SHANK2: variants seen among roughly 807,000 people sequenced by gnomAD.
The protein encoded by SHANK2 is SH3 and multiple ankyrin repeat domains 2, also known as SH3 and multiple ankyrin repeat domains protein 2.
A neutral mutation model predicts 133.7 loss-of-function variants in SHANK2; 43 were observed. That is an observed-to-expected ratio of 0.32 (90% CI 0.25 to 0.41). SHANK2 has a LOEUF of 0.41. Ranked by LOEUF, SHANK2 falls within the 10% of genes least tolerant of loss-of-function variation. The pLI is 1.00. For synonymous variants in SHANK2, 1,017 were observed against 952.8 expected (o/e 1.07, Z -1.24); for missense variants, 1,994 against 2,235.8 (o/e 0.89, Z 2.18).
At position 70,487,495 on chromosome 11, in the gene SHANK2, G is replaced by T. The variant is rs1555154506; in HGVS notation, c.2798C>A (p.Ser933Tyr). ...CACGGTGTCGGACCTGGTGGCGGGG[G>T]ACACCTTGGCGGCAGAATTCTGATT... ...AFNQNSAAKV[S>Y]PATRSDTVAT... Residue 933 changes from serine (S) to tyrosine (Y), a missense_variant, in exon 25 of 26, where the codon TCC becomes TAC. Physicochemically the swap from Ser to Tyr is moderately radical, Grantham distance 144. This residue lies in a region of SHANK2 where 488 missense variants were observed against 642.6 expected (regional missense o/e 0.76). Transcript: ENST00000601538. This position sits in a 1 kb window ranked among gnomAD's most constrained non-coding sequence, Gnocchi z 5.8. The T allele has an allele frequency of 6.2e-7, 1 of 1,613,974 alleles. No individual in the cohort carries two copies. Among genetic ancestry groups the T allele is most frequent in the Non-Finnish European group, 8.5e-7 (1 of 1,180,020 alleles).
At chr11:70,592,180 C>T (rs945118413) in intron 17 of SHANK2, among the ~76,000 whole-genome samples, 6 of 152,194 alleles carry the variant, frequency 3.9e-5, no homozygotes, top group Admixed American at 3.9e-4. Context: ...TTGATGTGTG[C>T]TGACCGCCGG....
chr11:71,151,920 G>A (rs1158225211), intron 2 of SHANK2, among the ~76,000 whole-genome samples: 8 of 151,790 alleles, frequency 5.3e-5, no homozygotes, highest in African/African-American at 9.7e-5. Flanking sequence ...ACGCCCACAA[G>A]AGCAGTCAGG....
intron 17 of SHANK2, among the ~76,000 whole-genome samples, chr11:70,549,780 C>T (rs895398891): frequency 2.0e-5 from 3 of 152,238 alleles, no homozygotes; most frequent in Non-Finnish European, 2.9e-5. Context: ...CAGTTAACAC[C>T]GACACAGGTG....
chr11:70,514,610 G>C (rs1167994716), intron 17 of SHANK2, among the ~76,000 whole-genome samples: 2 of 152,188 alleles, frequency 1.3e-5, no homozygotes, highest in African/African-American at 4.8e-5. Context: ...GCATCTATAT[G>C]GTTGCTGGGT....
intron 14 of SHANK2, among the ~76,000 whole-genome samples, chr11:70,764,367 C>T (rs1947069912): frequency 6.6e-6 from 1 of 150,550 alleles, no homozygotes; most frequent in African/African-American, 2.4e-5. Flanking sequence ...ACCCATCCAT[C>T]CACATACCTA....
In SHANK2 at chr11:71,103,014, A is replaced by G. The variant is rs571718816; in HGVS notation, c.592+6927T>C. Among the ~76,000 whole-genome samples the G allele has an allele frequency of 3.6e-4, 55 of 152,362 alleles. 1 individual carries two copies. In the South Asian group the frequency reaches 3.7e-3, roughly 10 times the overall value. On this transcript the variant is annotated intron_variant, in intron 6 of 25. Transcript: ENST00000601538. ...CTGTGACCTCACCTCACAAAGTGGA[A>G]GGAGCGAGGGAGCTCTCTCTGCCTC... is the stretch of plus-strand genomic sequence containing the variant.
intron 25 of SHANK2, among the ~76,000 whole-genome samples, chr11:70,476,461 G>T (rs1025410761): frequency 6.6e-6 from 1 of 152,180 alleles, no homozygotes; most frequent in Non-Finnish European, 1.5e-5. Context: ...AAAACTGGGG[G>T]TGCTGTGGCC....
At chr11:70,661,371 G>A (rs1369136849) in intron 16 of SHANK2, among the ~76,000 whole-genome samples, 1 of 152,134 alleles carries the variant, frequency 6.6e-6, no homozygotes, top group Non-Finnish European at 1.5e-5. Flanking sequence ...ATTCCTCAAG[G>A]AAGCCCTAAC....
intron 15 of SHANK2, among the ~76,000 whole-genome samples, chr11:70,665,314 A>T (rs1179636821): frequency 6.6e-6 from 1 of 151,856 alleles, no homozygotes. Context: ...CTAATTTTTA[A>T]TTTTTTTGTA....
chr11:70,548,948 G>A (rs2059730181), intron 17 of SHANK2, among the ~76,000 whole-genome samples: 1 of 152,116 alleles, frequency 6.6e-6, no homozygotes, highest in Admixed American at 6.5e-5. Flanking sequence ...ACCGGGAGCA[G>A]GAAGAAGCTG....
chr11:70,754,791 C>CT (rs1276681972), intron 14 of SHANK2, among the ~76,000 whole-genome samples: 1 of 152,098 alleles, frequency 6.6e-6, no homozygotes, highest in African/African-American at 2.4e-5. Flanking sequence ...GTCCAGGTGT[C>CT]TGGGCAATGC....
intron 3 of SHANK2, among the ~76,000 whole-genome samples, 184 bp downstream of exon 3, chr11:71,146,936 A>C (rs1301550036): frequency 2.0e-5 from 3 of 148,884 alleles, no homozygotes; most frequent in Non-Finnish European, 4.5e-5. Flanking sequence ...GGCAGCAGGG[A>C]GGGGAGGCGG....
At chr11:70,664,490 A>C (rs1944642425) in intron 15 of SHANK2, among the ~76,000 whole-genome samples, 2 of 152,182 alleles carry the variant, frequency 1.3e-5, no homozygotes, top group Admixed American at 6.5e-5. Context: ...TGGAAGGATG[A>C]TGCCGAACCC....
At chr11:70,907,205 A>T (rs1316510410) in intron 10 of SHANK2, among the ~76,000 whole-genome samples, 4 of 152,160 alleles carry the variant, frequency 2.6e-5, no homozygotes, top group African/African-American at 9.7e-5. Flanking sequence ...TTAGAGGAAG[A>T]CCCTGAGCAT....
intron 14 of SHANK2, among the ~76,000 whole-genome samples, chr11:70,746,355 G>A (rs567240518): frequency 2.8e-5 from 4 of 144,404 alleles, no homozygotes; most frequent in South Asian, 2.2e-4. Context: ...ACACTCTCCC[G>A]CCTCTCCAGG....
chr11:70,711,007 A>AGAGG (rs1400229897), intron 14 of SHANK2, among the ~76,000 whole-genome samples: 1 of 152,174 alleles, frequency 6.6e-6, no homozygotes, highest in Non-Finnish European at 1.5e-5. Context: ...AGAGAGAGAG[A>AGAGG]GAGGGAGGGA....
chr11:70,846,174 C>T (rs374703248), intron 11 of SHANK2, among the ~76,000 whole-genome samples: 36 of 152,146 alleles, frequency 2.4e-4, no homozygotes, highest in South Asian at 4.2e-4. Flanking sequence ...GTCTTTCTAC[C>T]GTGGCAGAAA....
chr11:70,769,519 T>C (rs1947199219), intron 14 of SHANK2, among the ~76,000 whole-genome samples: 4 of 151,866 alleles, frequency 2.6e-5, no homozygotes. Context: ...GAGCTTGTGC[T>C]CAACAGACGT....
In SHANK2 at chr11:71,147,255, C is replaced by A. The variant is rs1952671752; in HGVS notation, c.72G>T (p.Glu24Asp). ...TGGTCTCTTCTTTGGAGCTGTCTGACTCCGACCCCACGGAGTAGTCGGAGA... is the reference window on the plus strand; with the variant it reads ...TGGTCTCTTCTTTGGAGCTGTCTGAATCCGACCCCACGGAGTAGTCGGAGA... ...QSFSDYSVGS[E>D]SDSSKEETIY... The change falls in exon 3 of 26, where the codon GAG (glutamate) becomes GAT (aspartate). Residue 24 changes from glutamate to aspartate, a missense_variant. Transcript: ENST00000601538. The A allele has an allele frequency of 5.8e-6, 9 of 1,551,048 alleles. No homozygotes were observed. Among genetic ancestry groups the A allele is most frequent in the Non-Finnish European group, 7.8e-6 (9 of 1,146,958 alleles).
Sources: allele counts gnomAD v4.1 joint callset (sites outside exome capture counted in the v4.1 genomes callset), GRCh38; gene constraint gnomAD v4.1.1; regional missense constraint gnomAD v4.1.1; non-coding constraint Gnocchi (gnomAD v3.1); transcripts MANE v1.5; gene names NCBI Gene and HGNC (gene_info 2026-07-23, HGNC 2026-07-21).